SPA17: variants seen among roughly 807,000 people sequenced by gnomAD.
SPA17 encodes the protein sperm surface protein Sp17.
Under a neutral mutation model 13.8 loss-of-function variants are expected in SPA17, and 7 were observed. That is an observed-to-expected ratio of 0.51 (90% CI 0.29 to 0.95). The LOEUF is 0.95. Among genes scored for constraint, SPA17 ranks in the 40% least tolerant of loss-of-function variants. SPA17 has a pLI of 0.08. For synonymous variants in SPA17, 61 were observed against 59.0 expected (o/e 1.03, Z -0.16); for missense variants, 170 against 179.3 (o/e 0.95, Z 0.30).
intron 3 of SPA17, among the ~76,000 whole-genome samples, chr11:124,684,541 T>C (rs1245263401): frequency 6.6e-6 from 1 of 152,198 alleles, no homozygotes; most frequent in Non-Finnish European, 1.5e-5. Flanking sequence ...CATGAGCCAC[T>C]GCTTCCGGCC....
At chr11:124,677,843 T>G (rs1943486236) in intron 2 of SPA17, among the ~76,000 whole-genome samples, 1 of 152,154 alleles carries the variant, frequency 6.6e-6, no homozygotes, top group Non-Finnish European at 1.5e-5. Flanking sequence ...GAGCAAACAA[T>G]TCACACAAAA....
intron 4 of SPA17, among the ~76,000 whole-genome samples, chr11:124,693,464 C>A (rs1214613823): frequency 1.3e-5 from 2 of 151,064 alleles, no homozygotes; most frequent in Non-Finnish European, 2.9e-5. Flanking sequence ...TTAGGATGAT[C>A]TCATTTTTAA....
chr11:124,687,278 T>G (rs1246400502), intron 3 of SPA17, among the ~76,000 whole-genome samples: 1 of 151,916 alleles, frequency 6.6e-6, no homozygotes, highest in African/African-American at 2.4e-5. Context: ...GTAGCAAGAT[T>G]GATTCCATAA....
chr11:124,694,149 A>G, intron 4 of SPA17, 154 bp from the exon 5 acceptor site: 1 of 911,556 alleles, frequency 1.1e-6, no homozygotes. Flanking sequence ...CATTTGGTAC[A>G]TATACAATGT....
At chr11:124,680,112 C>T (rs1460351244) in intron 2 of SPA17, among the ~76,000 whole-genome samples, 2 of 152,086 alleles carry the variant, frequency 1.3e-5, no homozygotes, top group Non-Finnish European at 2.9e-5. Context: ...TTAATGAGTA[C>T]TCCAGAAAAT....
At chr11:124,687,975 T>C (rs1943591619) in intron 3 of SPA17, among the ~76,000 whole-genome samples, 1 of 152,092 alleles carries the variant, frequency 6.6e-6, no homozygotes, top group South Asian at 2.1e-4. Context: ...GCATCCATAT[T>C]GGAAAAGAGG....
At chr11:124,694,166 A>G (rs1943650991) in intron 4 of SPA17, 137 bp from the exon 5 acceptor site, 2 of 1,090,802 alleles carry the variant, frequency 1.8e-6, no homozygotes, top group African/African-American at 3.2e-5. Context: ...ATGTGACAAT[A>G]TATGAAATTC....
intron 3 of SPA17, among the ~76,000 whole-genome samples, chr11:124,686,761 AAC>A (rs1276122192): frequency 3.3e-5 from 5 of 152,236 alleles, no homozygotes; most frequent in Non-Finnish European, 1.5e-5. Flanking sequence ...GAAAACTGGA[AAC>A]ACAACATAAC....
In SPA17 at chr11:124,695,145, G is replaced by A. The variant is rs1395087360; in HGVS notation, c.*699G>A. ...AACAAAAAAAAGCCTCTGCCTCCTT[G>A]TAAGTTTAACCCACTGGTTTTCATT... On this transcript the variant is annotated 3_prime_UTR_variant, in exon 5 of 5. Coordinates refer to ENST00000227135, the MANE Select transcript of SPA17 (RefSeq NM_017425.4). 6.5e-6 allele frequency: 1 copy of A among 152,672 alleles called. No homozygotes were observed. The highest frequency in any genetic ancestry group is 1.9e-4 in the East Asian group (1 of 5,236). The allele number at this position is 152,672 out of a possible 1,614,324, so 9.5% of individuals were successfully genotyped here. A position where few individuals can be genotyped will look rare whatever the true frequency, so the allele number is the denominator to read the frequency against.
chr11:124,684,893 G>T (rs1358340536), intron 3 of SPA17, among the ~76,000 whole-genome samples: 5 of 152,232 alleles, frequency 3.3e-5, no homozygotes, highest in African/African-American at 9.6e-5. Context: ...GAACTTGAGA[G>T]AAATAATTTA....
chr11:124,680,187 G>A (rs778751457), intron 2 of SPA17, among the ~76,000 whole-genome samples: 13 of 152,052 alleles, frequency 8.5e-5, no homozygotes, highest in Admixed American at 1.3e-4. Context: ...ATCTAAGCAA[G>A]GATCATCAGG....
chr11:124,678,281 C>G (rs754073815), intron 2 of SPA17, among the ~76,000 whole-genome samples: 2 of 151,746 alleles, frequency 1.3e-5, no homozygotes, highest in Non-Finnish European at 2.9e-5. Context: ...GAGTGATTTT[C>G]GGGATATATT....
chr11:124,674,709 A>G (rs1943436458), intron 1 of SPA17: 1 of 151,472 alleles, frequency 6.6e-6, no homozygotes, highest in African/African-American at 2.4e-5. Flanking sequence ...CGCACGCACA[A>G]CCCCATTCCA....
intron 3 of SPA17, among the ~76,000 whole-genome samples, chr11:124,682,477 A>G (rs1351352927): frequency 1.3e-5 from 2 of 152,194 alleles, no homozygotes; most frequent in African/African-American, 4.8e-5. Context: ...TCTGAAAACC[A>G]ATACAAAGAA....
intron 2 of SPA17, among the ~76,000 whole-genome samples, chr11:124,677,431 A>G (rs1175562199): frequency 6.6e-6 from 1 of 152,188 alleles, no homozygotes; most frequent in Non-Finnish European, 1.5e-5. Flanking sequence ...TTGTTATTTT[A>G]AGATAAAGGA....
At chr11:124,693,903 ATTC>A (rs1943647483) in intron 4 of SPA17, among the ~76,000 whole-genome samples, 1 of 152,218 alleles carries the variant, frequency 6.6e-6, no homozygotes, top group Admixed American at 6.5e-5. Context: ...AGTTATTCTA[ATTC>A]ATTATATGTA....
rs1042283572 is a variant in SPA17, at chr11:124,675,333, G to A, written c.69G>A (p.Leu23=). The change falls in exon 2 of 5, where the codon CTG becomes CTA. Residue 23 remains leucine (L), a synonymous_variant. Coordinates refer to ENST00000227135, the MANE Select transcript of SPA17 (RefSeq NM_017425.4). ...PQGFGNLLEG[L]TREILREQPD... is the part of the protein sequence containing the mutation. ...GATTTGGGAATCTTCTTGAAGGGCT[G>A]ACACGCGAGATTCTGAGAGAGCAAC... 6.2e-7 allele frequency: 1 copy of A among 1,614,208 alleles called. No homozygotes were observed. Among genetic ancestry groups the A allele is most frequent in the South Asian group, 1.1e-5 (1 of 91,086 alleles).
chr11:124,682,549 A>T (rs140335412), intron 3 of SPA17, among the ~76,000 whole-genome samples: 2 of 152,134 alleles, frequency 1.3e-5, no homozygotes, highest in African/African-American at 4.8e-5. Context: ...TTTTATTTTT[A>T]AAAAAACCCT....
Position 124,691,768 on chromosome 11 carries a change from T to A in SPA17, c.298T>A (p.Ser100Thr), listed in dbSNP as rs765161861. The A allele has an allele frequency of 6.2e-7, 1 of 1,606,846 alleles. No individual in the cohort carries two copies. Among genetic ancestry groups the A allele is most frequent in the Non-Finnish European group, 8.5e-7 (1 of 1,175,266 alleles). ...GATATCTGGGAAGGAGGAAGAGACA[T>A]CAGTCACCATCTTAGTATGTAATAT... ...SQISGKEEETSVTILDSSEED... is the reference protein window; with the variant it reads ...SQISGKEEETTVTILDSSEED... The change falls in exon 4 of 5, where the codon TCA becomes ACA. Residue 100 changes from serine (S) to threonine (T), a missense_variant. Transcript: ENST00000227135.
Sources: allele counts gnomAD v4.1 joint callset (sites outside exome capture counted in the v4.1 genomes callset), GRCh38; gene constraint gnomAD v4.1.1; transcripts MANE v1.5; gene names NCBI Gene and HGNC (gene_info 2026-07-23, HGNC 2026-07-21).